Variants in HMCN1 observed in about 807,000 individuals in gnomAD.
The protein encoded by HMCN1 is hemicentin 1, also known as hemicentin-1.
A neutral mutation model predicts 625.9 loss-of-function variants in HMCN1; 321 were observed. The ratio of observed to expected loss-of-function variants is 0.51; its 90% CI spans 0.47 to 0.56. The LOEUF is 0.56. HMCN1 is among the 20% of genes least tolerant of loss of function. The pLI, the probability that HMCN1 is intolerant of heterozygous loss-of-function variation, is 0.00. For synonymous variants in HMCN1, 2,425 were observed against 2,417.6 expected (o/e 1.00, Z -0.09); for missense variants, 6,588 against 6,887.3 (o/e 0.96, Z 1.54).
intron 89 of HMCN1, among the ~76,000 whole-genome samples, chr1:186,143,560 A>C (rs1187108853): frequency 6.6e-6 from 1 of 152,206 alleles, no homozygotes; most frequent in East Asian, 1.9e-4. Flanking sequence ...GTTGTTTAGG[A>C]AGCAGGTTAG....
At chr1:185,891,936 T>A (rs567173517) in intron 4 of HMCN1, among the ~76,000 whole-genome samples, 47 of 149,650 alleles carry the variant, frequency 3.1e-4, no homozygotes, top group African/African-American at 1.2e-3. Flanking sequence ...TCCCCATCAC[T>A]TTTAGGTACA....
chr1:185,813,319 T>G (rs1486838128), intron 1 of HMCN1, among the ~76,000 whole-genome samples: 1 of 152,168 alleles, frequency 6.6e-6, no homozygotes, highest in Non-Finnish European at 1.5e-5. Context: ...ATATTGCCAT[T>G]CCTTAAATTT....
chr1:185,961,849 A>G lies in HMCN1; in HGVS notation c.1829-669A>G, dbSNP rs536748514. Among the ~76,000 whole-genome samples, 46 of 152,262 alleles carry G rather than the reference A, an allele frequency of 3.0e-4. No individual in the cohort carries two copies. The South Asian group carries it at 9.5e-3, about 32-fold the overall frequency. On this transcript the variant is annotated intron_variant, in intron 11 of 106. Transcript: ENST00000271588. Reference sequence around the variant, plus strand: ...GTTGAGGTCCTGTGCATGCACGGACATGAGTCAAATGACCAGTGTAGCAGG... The same window carrying G: ...GTTGAGGTCCTGTGCATGCACGGACGTGAGTCAAATGACCAGTGTAGCAGG...
intron 31 of HMCN1, 67 bp downstream of exon 31, chr1:186,015,504 A>T (rs1397683222): frequency 2.8e-6 from 4 of 1,433,744 alleles, no homozygotes; most frequent in Non-Finnish European, 3.9e-6. Flanking sequence ...CAAATATCGA[A>T]TTTATTCACT....
intron 1 of HMCN1, among the ~76,000 whole-genome samples, chr1:185,769,338 C>T (rs1378832753): frequency 6.6e-6 from 1 of 152,036 alleles, no homozygotes; most frequent in African/African-American, 2.4e-5. Flanking sequence ...GCCCCAGCTA[C>T]TCAGAAGGCT....
intron 80 of HMCN1, among the ~76,000 whole-genome samples, chr1:186,121,437 G>GA (rs1661395621): frequency 6.6e-6 from 1 of 152,148 alleles, no homozygotes; most frequent in African/African-American, 2.4e-5. Flanking sequence ...AAGTGAATGA[G>GA]AAAACTGATG....
Position 185,782,173 on chromosome 1 carries a change from G to A in HMCN1, c.268+47126G>A, listed in dbSNP as rs556959851. 5.3e-5 allele frequency among the ~76,000 whole-genome samples: 8 copies of A among 152,176 alleles called. No homozygotes were observed. The East Asian group carries it at 1.5e-3, about 29-fold the overall frequency. On this transcript the variant is annotated intron_variant, in intron 1 of 106. Transcript: ENST00000271588. ...ATCAGAGACTAGGATTGCAACCTCT[G>A]CCTTTTTTTGTTTTCCATTTGCTTG...
intron 10 of HMCN1, among the ~76,000 whole-genome samples, chr1:185,932,380 C>T (rs774774073): frequency 4.6e-5 from 7 of 152,090 alleles, no homozygotes; most frequent in Non-Finnish European, 1.0e-4. Flanking sequence ...TATTAATCTG[C>T]ACTCATATAT....
intron 1 of HMCN1, among the ~76,000 whole-genome samples, chr1:185,737,757 T>G (rs1653691145): frequency 6.6e-6 from 1 of 152,226 alleles, no homozygotes; most frequent in Non-Finnish European, 1.5e-5. Context: ...TTTAGCTAGA[T>G]GAAATAATGG....
intron 22 of HMCN1, among the ~76,000 whole-genome samples, chr1:185,992,431 A>C (rs1652492980): frequency 6.6e-6 from 1 of 152,172 alleles, no homozygotes; most frequent in African/African-American, 2.4e-5. Flanking sequence ...TTTTGTAAAT[A>C]ATATCAGGTA....
At chr1:185,977,127 C>T (rs2101987960) in intron 15 of HMCN1, among the ~76,000 whole-genome samples, 1 of 152,172 alleles carries the variant, frequency 6.6e-6, no homozygotes, top group East Asian at 1.9e-4. Flanking sequence ...TTTATAGTTT[C>T]TGAATCATTT....
chr1:185,829,684 G>A (rs1660737968), intron 1 of HMCN1, among the ~76,000 whole-genome samples: 2 of 152,120 alleles, frequency 1.3e-5, no homozygotes, highest in Admixed American at 6.6e-5. Context: ...TTGATTCCAT[G>A]TATTTGTTAT....
At chr1:185,879,993 A>G (rs892341148) in intron 4 of HMCN1, among the ~76,000 whole-genome samples, 11 of 152,192 alleles carry the variant, frequency 7.2e-5, no homozygotes, top group Non-Finnish European at 1.6e-4. Context: ...GTCTCAAAGG[A>G]GCAGAGCTGT....
intron 97 of HMCN1, among the ~76,000 whole-genome samples, chr1:186,162,011 T>C (rs1267108193): frequency 2.0e-5 from 3 of 152,306 alleles, no homozygotes; most frequent in African/African-American, 7.2e-5. Flanking sequence ...TCCTGCAGAG[T>C]GTTTTCCAAC....
chr1:186,048,463 C>A (rs953048885), intron 41 of HMCN1, among the ~76,000 whole-genome samples: 1 of 151,796 alleles, frequency 6.6e-6, no homozygotes, highest in East Asian at 1.9e-4. Flanking sequence ...GAAATTGTAC[C>A]TTTTCGTTTT....
chr1:186,145,595 A>G (rs1571416068), intron 92 of HMCN1, 22 bp downstream of exon 92: 14 of 1,613,092 alleles, frequency 8.7e-6, no homozygotes, highest in Non-Finnish European at 1.1e-5. Flanking sequence ...GATTTCTGGC[A>G]GTTGAATAAG....
Position 185,883,977 on chromosome 1 carries a change from G to A in HMCN1, c.621+18114G>A, listed in dbSNP as rs570223617. On this transcript the variant is annotated intron_variant, in intron 4 of 106. Coordinates refer to ENST00000271588, the MANE Select transcript of HMCN1 (RefSeq NM_031935.3). Reference sequence around the variant, plus strand: ...TTATTGTTGAGTATTGGATTTTGTTGTGTTCATTTAAAAATCATTGGACTT... The same window carrying A: ...TTATTGTTGAGTATTGGATTTTGTTATGTTCATTTAAAAATCATTGGACTT... Among the ~76,000 whole-genome samples the A allele has an allele frequency of 1.8e-4, 24 of 133,242 alleles. No individual in the cohort carries two copies. In the South Asian group the frequency reaches 5.6e-3, roughly 31 times the overall value. 87.4% of individuals were successfully genotyped at this position (133,242 alleles called of 152,430 possible).
At chr1:185,999,996 ATT>A in intron 25 of HMCN1, 47 bp from the exon 26 acceptor site, 1 of 1,303,910 alleles carries the variant, frequency 7.7e-7, no homozygotes, top group Non-Finnish European at 1.1e-6. Flanking sequence ...ATATTTAATA[ATT>A]TCTGTTTTTG....
At chr1:185,902,536 C>T (rs904999801) in intron 4 of HMCN1, among the ~76,000 whole-genome samples, 1 of 151,498 alleles carries the variant, frequency 6.6e-6, no homozygotes, top group Non-Finnish European at 1.5e-5. Flanking sequence ...AATATATGTG[C>T]AATAGTGTTT....
Sources: allele counts gnomAD v4.1 joint callset (sites outside exome capture counted in the v4.1 genomes callset), GRCh38; gene constraint gnomAD v4.1.1; transcripts MANE v1.5; gene names NCBI Gene and HGNC (gene_info 2026-07-23, HGNC 2026-07-21).